CHRM2: variants seen among roughly 807,000 people sequenced by gnomAD.
CHRM2 encodes muscarinic acetylcholine receptor M2.
Under a neutral mutation model 25.0 loss-of-function variants are expected in CHRM2, and 8 were observed. The ratio of observed to expected loss-of-function variants is 0.32; its 90% CI spans 0.19 to 0.58. CHRM2 has a LOEUF of 0.58. Among genes scored for constraint, CHRM2 ranks in the 20% least tolerant of loss-of-function variants. The pLI is 0.88. For synonymous variants in CHRM2, 202 were observed against 205.7 expected (o/e 0.98, Z 0.15); for missense variants, 440 against 567.1 (o/e 0.78, Z 2.28).
chr7:136,946,576 T>G (rs1800087065), intron 2 of CHRM2, among the ~76,000 whole-genome samples: 1 of 152,198 alleles, frequency 6.6e-6, no homozygotes, highest in Non-Finnish European at 1.5e-5. Flanking sequence ...CTCATATTTT[T>G]GTTTTTGTGG....
chr7:136,895,873 T>C (rs1465050212), intron 2 of CHRM2, among the ~76,000 whole-genome samples: 1 of 152,190 alleles, frequency 6.6e-6, no homozygotes, highest in Non-Finnish European at 1.5e-5. Context: ...ATTTGATACA[T>C]TGATCATCTC....
chr7:136,949,795 A>G (rs1800294300), intron 2 of CHRM2, among the ~76,000 whole-genome samples: 1 of 150,802 alleles, frequency 6.6e-6, no homozygotes. Flanking sequence ...GCTGGAGTGC[A>G]GTGGCGCGAT....
chr7:136,926,823 A>G (rs1347549322), intron 2 of CHRM2, among the ~76,000 whole-genome samples: 1 of 152,218 alleles, frequency 6.6e-6, no homozygotes. Flanking sequence ...CTCCTGCTGC[A>G]GCTGTCAGAT....
At chr7:136,939,149 T>G (rs554220680) in intron 2 of CHRM2, among the ~76,000 whole-genome samples, 8 of 152,268 alleles carry the variant, frequency 5.3e-5, no homozygotes, top group African/African-American at 1.9e-4. Flanking sequence ...GAGGAAGCAG[T>G]AGCAGAAGGG....
intron 2 of CHRM2, among the ~76,000 whole-genome samples, chr7:136,914,535 G>A (rs1798002242): frequency 6.6e-6 from 1 of 151,820 alleles, no homozygotes; most frequent in Non-Finnish European, 1.5e-5. Flanking sequence ...GATGGAGTCA[G>A]AATATGTCCC....
At chr7:136,908,863 C>T (rs1275358901) in intron 2 of CHRM2, among the ~76,000 whole-genome samples, 3 of 151,902 alleles carry the variant, frequency 2.0e-5, no homozygotes, top group African/African-American at 7.2e-5. Context: ...GACTTGTAGA[C>T]CCAAAGCTAA....
chr7:136,911,316 A>G (rs1287683214), intron 2 of CHRM2, among the ~76,000 whole-genome samples: 1 of 151,982 alleles, frequency 6.6e-6, no homozygotes, highest in African/African-American at 2.4e-5. Context: ...CAAAGATAAC[A>G]TTTATATAGT....
intron 2 of CHRM2, among the ~76,000 whole-genome samples, chr7:136,979,607 T>G (rs1197390703): frequency 6.6e-6 from 1 of 152,214 alleles, no homozygotes; most frequent in Admixed American, 6.5e-5. Flanking sequence ...TAATCCATCT[T>G]GAGTTAATTT....
intron 2 of CHRM2, among the ~76,000 whole-genome samples, chr7:136,936,129 T>C (rs1201531589): frequency 1.3e-5 from 2 of 152,046 alleles, no homozygotes; most frequent in Non-Finnish European, 2.9e-5. Context: ...GCGGAGATAT[T>C]TTTCATCATC....
chr7:136,940,501 T>G (rs944276658), intron 2 of CHRM2, among the ~76,000 whole-genome samples: 1 of 152,208 alleles, frequency 6.6e-6, no homozygotes, highest in African/African-American at 2.4e-5. Context: ...AGTACATAAC[T>G]TACTGAGTTA....
At chr7:136,880,046 C>CTT (rs11373690) in intron 2 of CHRM2, among the ~76,000 whole-genome samples, 1,976 of 144,782 alleles carry the variant, frequency 0.014, 48 homozygotes, top group African/African-American at 0.046. Flanking sequence ...CCTCTTGGAT[C>CTT]TTTTTTTTTT....
rs757243972 is a variant in CHRM2, at chr7:136,994,521, C to CTT, written c.-47+2282_-47+2283dup. Among the ~76,000 whole-genome samples, 554 of 71,324 alleles carry CTT rather than the reference C, an allele frequency of 7.8e-3. 35 individuals carry two copies. The highest frequency in any genetic ancestry group is 0.029 in the African/African-American group (503 of 17,574). The allele number at this position is 71,324 out of a possible 152,430, so 46.8% of individuals were successfully genotyped here. The stretch of plus-strand genomic sequence containing the variant: ...GTGCTTTCTGCTCTTTTTTTCTTTT[C>CTT]TTTTTTTTTTTTTTTTTTTTTTTTT... On this transcript the variant is annotated intron_variant, in intron 3 of 3. Coordinates refer to ENST00000680005, the MANE Select transcript of CHRM2 (RefSeq NM_001006630.2).
At chr7:136,959,805 G>C (rs574679488) in intron 2 of CHRM2, among the ~76,000 whole-genome samples, 2 of 152,248 alleles carry the variant, frequency 1.3e-5, no homozygotes, top group South Asian at 4.1e-4. Context: ...CAGCTACTCG[G>C]GAGGCTAAGG....
At chr7:136,950,023 A>G (rs1800310861) in intron 2 of CHRM2, among the ~76,000 whole-genome samples, 7 of 152,118 alleles carry the variant, frequency 4.6e-5, no homozygotes, top group Admixed American at 3.3e-4. Context: ...TGGTATTATA[A>G]TATTTTGTTG....
chr7:136,936,283 T>C lies in CHRM2; in HGVS notation c.-124-55904T>C, dbSNP rs114988163. On this transcript the variant is annotated intron_variant, in intron 2 of 3. Transcript: ENST00000680005. ...GTCTGGATAAAGCCTTTGCCTCTGA[T>C]ATACTTTAGATTAAAATATATAAAT... Among the ~76,000 whole-genome samples the C allele has an allele frequency of 2.3e-3, 347 of 152,272 alleles. 1 individual carries two copies. The highest frequency in any genetic ancestry group is 8.2e-3 in the African/African-American group (339 of 41,572).
chr7:137,000,547 A>AAGGAAGGAAGGAAG (rs1554434051), intron 3 of CHRM2, among the ~76,000 whole-genome samples: 4 of 95,174 alleles, frequency 4.2e-5, no homozygotes, highest in East Asian at 2.3e-4. Context: ...AAAGAAAGAA[A>AAGGAAGGAAGGAAG]GAAGGAAGGA....
At chr7:136,939,146 C>G (rs1799613091) in intron 2 of CHRM2, among the ~76,000 whole-genome samples, 1 of 152,136 alleles carries the variant, frequency 6.6e-6, no homozygotes. Flanking sequence ...CATGAGGAAG[C>G]AGTAGCAGAA....
At chr7:136,927,368 C>A (rs996129036) in intron 2 of CHRM2, among the ~76,000 whole-genome samples, 1 of 151,872 alleles carries the variant, frequency 6.6e-6, no homozygotes, top group Non-Finnish European at 1.5e-5. Context: ...CTTCTCTGAA[C>A]CTCACTCCTT....
At chr7:136,876,691 A>G (rs554008937) in intron 2 of CHRM2, among the ~76,000 whole-genome samples, 3 of 152,018 alleles carry the variant, frequency 2.0e-5, no homozygotes, top group Non-Finnish European at 4.4e-5. Context: ...CATAACAAAA[A>G]CTGTAGTAAC....
Sources: gnomAD v4.1 joint callset for allele counts (sites outside exome capture counted in the v4.1 genomes callset) on GRCh38, gnomAD v4.1.1 for gene constraint, MANE v1.5 for transcripts, NCBI Gene and HGNC (gene_info 2026-07-23, HGNC 2026-07-21) for gene names.